TAF1A: variants seen among roughly 807,000 people sequenced by gnomAD.
The protein encoded by TAF1A is TATA box-binding protein-associated factor RNA polymerase I subunit A.
Under a neutral mutation model 61.6 loss-of-function variants are expected in TAF1A, and 42 were observed. That is an observed-to-expected ratio of 0.68 (90% CI 0.53 to 0.88). TAF1A has a LOEUF of 0.88. Ranked by LOEUF, TAF1A falls within the 40% of genes least tolerant of loss-of-function variation. TAF1A has a pLI of 0.00. For missense variants in TAF1A, 424 were observed against 518.7 expected, an observed-to-expected ratio of 0.82 and a Z score of 1.77; for synonymous variants, 179 against 177.7, an observed-to-expected ratio of 1.01 and a Z score of -0.06.
chr1:222,569,488 C>T (rs1043594334), intron 7 of TAF1A, 22 bp downstream of exon 7: 18 of 1,613,350 alleles, frequency 1.1e-5, no homozygotes, highest in Non-Finnish European at 1.4e-5. Flanking sequence ...CCTGGTCAAA[C>T]ATCGAGATAA....
chr1:222,560,022 G>C (rs1050204838), intron 10 of TAF1A, among the ~76,000 whole-genome samples: 3 of 152,100 alleles, frequency 2.0e-5, no homozygotes, highest in Non-Finnish European at 4.4e-5. Context: ...AAGTCCATGA[G>C]AGCTGAAGTC....
chr1:222,555,120 C>T (rs564523725), downstream of TAF1A, among the ~76,000 whole-genome samples: 1 of 152,198 alleles, frequency 6.6e-6, no homozygotes, highest in South Asian at 2.1e-4. Flanking sequence ...TAGAATGAAT[C>T]GTATCAAAGG....
intron 2 of TAF1A, among the ~76,000 whole-genome samples, chr1:222,584,661 CA>C (rs1387879230): frequency 1.3e-5 from 2 of 152,114 alleles, no homozygotes; most frequent in Non-Finnish European, 2.9e-5. Context: ...TCATTCTAGG[CA>C]AACATGGTCT....
intron 3 of TAF1A, among the ~76,000 whole-genome samples, chr1:222,582,266 G>C (rs1013181929): frequency 6.6e-6 from 1 of 152,180 alleles, no homozygotes; most frequent in African/African-American, 2.4e-5. Context: ...TTATGACTTT[G>C]GCTTTTACTG....
At chr1:222,586,677 G>C (rs1661030369) in intron 2 of TAF1A, among the ~76,000 whole-genome samples, 1 of 152,178 alleles carries the variant, frequency 6.6e-6, no homozygotes, top group Non-Finnish European at 1.5e-5. Flanking sequence ...GGGCACCACT[G>C]TGTCCCAAGC....
chr1:222,564,725 G>A (rs1278960972), intron 7 of TAF1A, among the ~76,000 whole-genome samples: 2 of 152,090 alleles, frequency 1.3e-5, no homozygotes, highest in Non-Finnish European at 2.9e-5. Context: ...GGAATTTAAA[G>A]TAAAGCTGTA....
At chr1:222,577,862 C>T (rs113807206) in intron 4 of TAF1A, among the ~76,000 whole-genome samples, 1,701 of 152,152 alleles carry the variant, frequency 0.011, 39 homozygotes, top group African/African-American at 0.038. Context: ...AACTTACAAA[C>T]AAAAGACAGT....
chr1:222,579,934 G>C (rs1571822887), intron 3 of TAF1A, 62 bp from the exon 4 acceptor site: 1 of 1,556,380 alleles, frequency 6.4e-7, no homozygotes, highest in East Asian at 2.3e-5. Flanking sequence ...TTCTGTCTAA[G>C]ATATTGTTTT....
intron 7 of TAF1A, 97 bp from the exon 8 acceptor site, chr1:222,564,222 G>T: frequency 1.7e-6 from 1 of 592,194 alleles, no homozygotes; most frequent in Non-Finnish European, 2.8e-6. Flanking sequence ...TGTCTAATAT[G>T]CTCCCTTTAA....
rs917034413 is a variant in TAF1A, at chr1:222,572,604, C to T, written c.605-1939G>A. 2.6e-5 allele frequency among the ~76,000 whole-genome samples: 4 copies of T among 152,178 alleles called. No homozygotes were observed. The East Asian group carries it at 5.8e-4, about 22-fold the overall frequency. ...AACTCCTGAGGGCTCATGCGATCTA[C>T]CTGTCTTGGCCTCCCAAAGTGCTAG... is the stretch of plus-strand genomic sequence containing the variant. On this transcript the variant is annotated intron_variant, in intron 5 of 10. Coordinates refer to ENST00000352967, the MANE Select transcript of TAF1A (RefSeq NM_005681.4).
At chr1:222,587,945 G>A (rs1055495558) in intron 2 of TAF1A, among the ~76,000 whole-genome samples, 71 of 151,922 alleles carry the variant, frequency 4.7e-4, no homozygotes, top group African/African-American at 1.7e-3. Flanking sequence ...TCAGTTACTC[G>A]GGAGGCTGAG....
At chr1:222,571,434 T>C (rs982437509) in intron 5 of TAF1A, among the ~76,000 whole-genome samples, 1 of 151,946 alleles carries the variant, frequency 6.6e-6, no homozygotes, top group Non-Finnish European at 1.5e-5. Context: ...AAGGAAGAAG[T>C]AAAACTATCT....
At position 222,584,307 on chromosome 1, in the gene TAF1A, C is replaced by T. The variant is rs372095119; in HGVS notation, c.122-10G>A. On this transcript the variant is annotated splice_polypyrimidine_tract_variant and intron_variant, in intron 2 of 10. Coordinates refer to ENST00000352967, the MANE Select transcript of TAF1A (RefSeq NM_005681.4). Reference sequence around the variant, plus strand: ...CTTTTCCCTCCAATGGCTATAAAAACGAAAAAGAAGAGAGTTTTTATCCAA... The same window carrying T: ...CTTTTCCCTCCAATGGCTATAAAAATGAAAAAGAAGAGAGTTTTTATCCAA... The T allele has an allele frequency of 2.6e-5, 40 of 1,567,796 alleles. No individual in the cohort carries two copies. Among genetic ancestry groups the T allele is most frequent in the African/African-American group, 9.7e-5 (7 of 72,254 alleles).
chr1:222,585,631 G>A (rs1412543088), intron 2 of TAF1A, among the ~76,000 whole-genome samples: 5 of 151,966 alleles, frequency 3.3e-5, no homozygotes, highest in South Asian at 2.1e-4. Context: ...TTTAATACAC[G>A]TTATATTGAT....
intron 10 of TAF1A, among the ~76,000 whole-genome samples, chr1:222,560,629 C>T (rs10495194): frequency 0.14 from 20,590 of 152,110 alleles, 1,467 homozygotes; most frequent in Middle Eastern, 0.2. Context: ...CATTGTATTA[C>T]ATTCACTGAG....
chr1:222,576,786 T>C (rs1009651155), intron 5 of TAF1A, among the ~76,000 whole-genome samples: 4 of 152,234 alleles, frequency 2.6e-5, no homozygotes, highest in African/African-American at 4.8e-5. Context: ...GGAAGAAATG[T>C]TTATTATATG....
intron 10 of TAF1A, among the ~76,000 whole-genome samples, chr1:222,560,770 A>G (rs772614242): frequency 3.3e-5 from 5 of 152,160 alleles, no homozygotes; most frequent in Non-Finnish European, 4.4e-5. Context: ...TCATTTCTGG[A>G]CATACTCTGT....
At chr1:222,562,846 C>A (rs192821196) in intron 9 of TAF1A, among the ~76,000 whole-genome samples, 1 of 152,068 alleles carries the variant, frequency 6.6e-6, no homozygotes, top group African/African-American at 2.4e-5. Flanking sequence ...AAGTTAATGA[C>A]GCACAAATCA....
At chr1:222,584,871 TAC>T (rs1427458896) in intron 2 of TAF1A, among the ~76,000 whole-genome samples, 1 of 152,256 alleles carries the variant, frequency 6.6e-6, no homozygotes, top group East Asian at 1.9e-4. Context: ...AATGACTAGT[TAC>T]ATTGCTACAT....
Sources: gnomAD v4.1 joint callset for allele counts (sites outside exome capture counted in the v4.1 genomes callset) on GRCh38, gnomAD v4.1.1 for gene constraint, MANE v1.5 for transcripts, NCBI Gene and HGNC (gene_info 2026-07-23, HGNC 2026-07-21) for gene names.